The following CDH10 variants were observed in gnomAD, a reference collection of about 807,000 sequenced individuals.
CDH10 encodes the protein cadherin-10.
CDH10 carries 30 observed loss-of-function variants against 73.1 expected under a neutral mutation model. That is an observed-to-expected ratio of 0.41 (90% CI 0.31 to 0.56). The LOEUF (loss-of-function observed/expected upper bound fraction) is 0.56, where lower values mean the gene tolerates loss of function less well. Among genes scored for constraint, CDH10 ranks in the 20% least tolerant of loss-of-function variants. CDH10 has a pLI of 0.27. For missense variants in CDH10, 815 were observed against 973.7 expected (o/e 0.84, Z 2.17); for synonymous variants, 345 against 348.2 (o/e 0.99, Z 0.10).
intron 1 of CDH10, among the ~76,000 whole-genome samples, chr5:24,616,779 T>C (rs1246070223): frequency 6.6e-6 from 1 of 152,198 alleles, no homozygotes; most frequent in Non-Finnish European, 1.5e-5. Flanking sequence ...GTCTTGTGTT[T>C]ATCAATTTGT....
chr5:24,532,252 G>GAATAAT (rs1405439020), intron 5 of CDH10, among the ~76,000 whole-genome samples: 1 of 151,624 alleles, frequency 6.6e-6, no homozygotes, highest in East Asian at 1.9e-4. Context: ...TTATAATACT[G>GAATAAT]AATAATAATA....
In CDH10 at chr5:24,504,522, T is replaced by G. The variant is rs1350574107; in HGVS notation, c.1393+590A>C. ...CCTATTAATCTTTTTTTTTTTTTTT[T>G]TTTTTTTTTTTTTTTTTTTTTAAGA... On this transcript the variant is annotated intron_variant, in intron 8 of 11. Transcript: ENST00000264463. Among the ~76,000 whole-genome samples the G allele has an allele frequency of 5.4e-4, 65 of 120,766 alleles. 4 individuals are homozygous for G. The highest frequency in any genetic ancestry group is 2.5e-3 in the East Asian group (10 of 4,016). The allele number at this position is 120,766 out of a possible 152,430, so 79.2% of individuals were successfully genotyped here.
chr5:24,591,354 A>G (rs1397717170), intron 2 of CDH10, among the ~76,000 whole-genome samples: 1 of 151,974 alleles, frequency 6.6e-6, no homozygotes, highest in Non-Finnish European at 1.5e-5. Context: ...GCAGACTCAG[A>G]GAAGTGTGAG....
At chr5:24,632,564 G>T (rs1179979576) in intron 1 of CDH10, among the ~76,000 whole-genome samples, 1 of 151,900 alleles carries the variant, frequency 6.6e-6, no homozygotes. Flanking sequence ...TCAGACTATT[G>T]GGCTGTGCAT....
At chr5:24,623,666 G>A (rs566543382) in intron 1 of CDH10, among the ~76,000 whole-genome samples, 1 of 152,288 alleles carries the variant, frequency 6.6e-6, no homozygotes, top group East Asian at 1.9e-4. Flanking sequence ...TTTATGAATT[G>A]AAGCAACACA....
At chr5:24,532,211 C>A (rs1244966782) in intron 5 of CDH10, among the ~76,000 whole-genome samples, 3 of 151,878 alleles carry the variant, frequency 2.0e-5, no homozygotes, top group African/African-American at 7.3e-5. Flanking sequence ...ATCAGCCAAC[C>A]TAAAGGAAAG....
rs902338300 is a variant in CDH10, at chr5:24,487,590, A to T, written c.*73T>A. 10 of 1,439,832 alleles carry T rather than the reference A, an allele frequency of 6.9e-6. No individual in the cohort carries two copies. In the African/African-American group the frequency reaches 1.4e-4, roughly 21 times the overall value. 89.2% of individuals were successfully genotyped at this position (1,439,832 alleles called of 1,614,324 possible). ...GACTGGCAGGAAAATGCTCCTGAAT[A>T]TCAAATATTGTGAAGTGGAGACAGC... On this transcript the variant is annotated 3_prime_UTR_variant, in exon 12 of 12. Transcript: ENST00000264463.
chr5:24,638,066 T>A (rs1198770452), intron 1 of CDH10, among the ~76,000 whole-genome samples: 3 of 151,766 alleles, frequency 2.0e-5, no homozygotes, highest in Non-Finnish European at 2.9e-5. Context: ...TTTCATACTC[T>A]ATATGATGGC....
intron 9 of CDH10, among the ~76,000 whole-genome samples, chr5:24,497,480 C>A (rs1049475537): frequency 6.6e-6 from 1 of 152,136 alleles, no homozygotes; most frequent in Admixed American, 6.5e-5. Flanking sequence ...AAAAATGAAT[C>A]AAATTGCAGC....
intron 7 of CDH10, among the ~76,000 whole-genome samples, chr5:24,508,041 T>G (rs2111741249): frequency 6.6e-6 from 1 of 152,312 alleles, no homozygotes. Flanking sequence ...AAATTAGAAG[T>G]TTCCTGCATG....
chr5:24,576,310 A>G (rs908080979), intron 2 of CDH10, among the ~76,000 whole-genome samples: 3 of 152,132 alleles, frequency 2.0e-5, no homozygotes, highest in Admixed American at 2.0e-4. Context: ...ACTTTATATC[A>G]CCTTTTAGCA....
At chr5:24,516,280 G>C (rs1579746726) in intron 5 of CDH10, among the ~76,000 whole-genome samples, 1 of 151,534 alleles carries the variant, frequency 6.6e-6, no homozygotes, top group Middle Eastern at 3.4e-3. Flanking sequence ...ATGATTTTAA[G>C]TCAATTAGGT....
rs1467193337 is a variant in CDH10, at chr5:24,488,169, G to A, written c.1877-16C>T. On this transcript the variant is annotated splice_polypyrimidine_tract_variant and intron_variant, in intron 11 of 11. Transcript: ENST00000264463. ...ACTACTATAACTTGAAAAAAGACAA[G>A]AAGATACATTAGACGTCCGTTCAAA... is the stretch of plus-strand genomic sequence containing the variant. 6.3e-7 allele frequency: 1 copy of A among 1,583,978 alleles called. No individual in the cohort carries two copies. Among genetic ancestry groups the A allele is most frequent in the South Asian group, 1.1e-5 (1 of 87,040 alleles).
At chr5:24,550,445 A>G (rs928222764) in intron 2 of CDH10, among the ~76,000 whole-genome samples, 1 of 152,198 alleles carries the variant, frequency 6.6e-6, no homozygotes, top group Non-Finnish European at 1.5e-5. Context: ...ATAAGAAAAC[A>G]AAACAAGGAA....
chr5:24,489,916 A>T (rs1363431700), intron 11 of CDH10, among the ~76,000 whole-genome samples: 1 of 152,148 alleles, frequency 6.6e-6, no homozygotes, highest in Non-Finnish European at 1.5e-5. Flanking sequence ...ACTGACTAAT[A>T]GCAAGGTACC....
intron 1 of CDH10, among the ~76,000 whole-genome samples, chr5:24,633,677 C>A (rs1747776303): frequency 6.6e-6 from 1 of 151,712 alleles, no homozygotes; most frequent in Non-Finnish European, 1.5e-5. Flanking sequence ...TGATATCTTG[C>A]CTCAAAAATA....
At chr5:24,607,453 C>A (rs978437171) in intron 1 of CDH10, among the ~76,000 whole-genome samples, 4 of 152,110 alleles carry the variant, frequency 2.6e-5, no homozygotes, top group Admixed American at 1.3e-4. Flanking sequence ...GTTAAAAAAA[C>A]CACCGTCAGG....
At chr5:24,582,509 G>T in intron 2 of CDH10, among the ~76,000 whole-genome samples, 1 of 152,238 alleles carries the variant, frequency 6.6e-6, no homozygotes, top group East Asian at 1.9e-4. Context: ...ACACCACAAA[G>T]AGGGATTCCT....
At chr5:24,623,406 G>A (rs1032059825) in intron 1 of CDH10, among the ~76,000 whole-genome samples, 2 of 152,154 alleles carry the variant, frequency 1.3e-5, no homozygotes, top group Non-Finnish European at 2.9e-5. Flanking sequence ...GCCAAAATGT[G>A]TAAACCGCAT....
Sources: allele counts gnomAD v4.1 joint callset (sites outside exome capture counted in the v4.1 genomes callset), GRCh38; gene constraint gnomAD v4.1.1; transcripts MANE v1.5; gene names NCBI Gene and HGNC (gene_info 2026-07-23, HGNC 2026-07-21).